The following ANKRD22 variants were observed in gnomAD, a reference collection of about 807,000 sequenced individuals.
ANKRD22 encodes the protein ankyrin repeat domain 22.
ANKRD22 carries 24 observed loss-of-function variants against 25.7 expected under a neutral mutation model. The ratio of observed to expected loss-of-function variants is 0.93; its 90% CI spans 0.68 to 1.31. The LOEUF (loss-of-function observed/expected upper bound fraction) is 1.31, where lower values mean the gene tolerates loss of function less well. Among genes scored for constraint, ANKRD22 ranks in the 50% most tolerant of loss-of-function variants. The probability of loss-of-function intolerance (pLI) is 0.00; values close to 1 mark genes in which losing one functional copy is unlikely to be tolerated. For missense variants in ANKRD22, 214 were observed against 227.1 expected (o/e 0.94, Z 0.37); for synonymous variants, 84 against 84.3 (o/e 1.00, Z 0.02).
chr10:88,826,877 G>C (rs903057078), intron 3 of ANKRD22, among the ~76,000 whole-genome samples: 1 of 152,174 alleles, frequency 6.6e-6, no homozygotes, highest in Admixed American at 6.5e-5. Context: ...AAAAAACTAT[G>C]CCTATTTTGT....
intron 3 of ANKRD22, among the ~76,000 whole-genome samples, chr10:88,826,918 C>T (rs1843861202): frequency 1.3e-5 from 2 of 152,174 alleles, no homozygotes; most frequent in Admixed American, 6.5e-5. Flanking sequence ...GCTAGCACAG[C>T]GTCTGGCACA....
intron 1 of ANKRD22, among the ~76,000 whole-genome samples, chr10:88,846,251 G>A (rs535403386): frequency 6.6e-5 from 10 of 152,052 alleles, no homozygotes; most frequent in African/African-American, 2.4e-4. Flanking sequence ...ATGCACAACT[G>A]TCTTTAGTTA....
At chr10:88,835,576 T>C (rs1164070571) in intron 1 of ANKRD22, among the ~76,000 whole-genome samples, 2 of 152,202 alleles carry the variant, frequency 1.3e-5, no homozygotes, top group Non-Finnish European at 2.9e-5. Flanking sequence ...TTGTAAGTAT[T>C]TGTGCATCTA....
In ANKRD22 at chr10:88,821,115, A is replaced by G. The variant is rs1843788673; in HGVS notation, c.*1826T>C. Among the ~76,000 whole-genome samples, 1 of 152,260 alleles carries G rather than the reference A, an allele frequency of 6.6e-6. No individual in the cohort carries two copies. Among genetic ancestry groups the G allele is most frequent in the Non-Finnish European group, 1.5e-5 (1 of 68,048 alleles). On this transcript the variant is annotated 3_prime_UTR_variant, in exon 6 of 6. Transcript: ENST00000371930. ...TTCTCCAATAAATGCATTCTGCATT[A>G]CATAAAGCATGTATGTGCATTTCAG...
At position 88,822,765 on chromosome 10, in the gene ANKRD22, C is replaced by T. The variant is rs1381688044; in HGVS notation, c.*176G>A. 1.5e-5 allele frequency: 9 copies of T among 614,340 alleles called. 1 individual carries two copies. Among genetic ancestry groups the T allele is most frequent in the East Asian group, 1.4e-4 (5 of 36,168 alleles). 38.1% of individuals were successfully genotyped at this position (614,340 alleles called of 1,614,324 possible). ...AGGATTACGGCCATGGTGAACTTGA[C>T]TGAGTAAACAATGCTATAAATAAAA... On this transcript the variant is annotated 3_prime_UTR_variant, in exon 6 of 6. Coordinates refer to ENST00000371930, the MANE Select transcript of ANKRD22 (RefSeq NM_144590.3).
At chr10:88,846,077 A>G (rs1331783846) in intron 1 of ANKRD22, among the ~76,000 whole-genome samples, 1 of 152,110 alleles carries the variant, frequency 6.6e-6, no homozygotes, top group Non-Finnish European at 1.5e-5. Flanking sequence ...AATTTCTTCA[A>G]TATCAACTTC....
At chr10:88,832,085 CG>C (rs1843909765) in intron 1 of ANKRD22, 59 bp from the exon 2 acceptor site, 6 of 1,479,924 alleles carry the variant, frequency 4.1e-6, no homozygotes, top group Non-Finnish European at 5.4e-6. Context: ...ACCACAAAAA[CG>C]AAAAAAAAGT....
rs1554832256 is a variant in ANKRD22 at position 88,822,544 on chromosome 10, C to CTGCT, written c.*396_*397insAGCA. On this transcript the variant is annotated 3_prime_UTR_variant, in exon 6 of 6. Coordinates refer to ENST00000371930, the MANE Select transcript of ANKRD22 (RefSeq NM_144590.3). ...AAAGACTGAGTTTGGAACACCAGGGCTTTTTTTTTTTTTTTTTTTTTTGAG... is the reference window on the plus strand; with the variant it reads ...AAAGACTGAGTTTGGAACACCAGGGCTGCTTTTTTTTTTTTTTTTTTTTTTTGAG... 4 of 36,438 alleles carry CTGCT rather than the reference C, an allele frequency of 1.1e-4. No individual in the cohort carries two copies. The highest frequency in any genetic ancestry group is 2.4e-4 in the Non-Finnish European group (4 of 17,014). 2.3% of individuals were successfully genotyped at this position (36,438 alleles called of 1,614,324 possible).
chr10:88,839,902 C>T (rs564159374), intron 1 of ANKRD22, among the ~76,000 whole-genome samples: 1 of 152,188 alleles, frequency 6.6e-6, no homozygotes, highest in South Asian at 2.1e-4. Flanking sequence ...CACTATTGAC[C>T]AGTTAAATAA....
At chr10:88,838,917 G>T (rs1288084308) in intron 1 of ANKRD22, among the ~76,000 whole-genome samples, 3 of 152,138 alleles carry the variant, frequency 2.0e-5, no homozygotes, top group Non-Finnish European at 4.4e-5. Context: ...AAGAGAAGGA[G>T]TATTTACCAG....
chr10:88,827,817 G>T (rs1192185377), intron 3 of ANKRD22, among the ~76,000 whole-genome samples: 4 of 152,136 alleles, frequency 2.6e-5, no homozygotes, highest in African/African-American at 9.7e-5. Context: ...GAGGGAGCTT[G>T]GTCATTTAAT....
At chr10:88,823,080 A>G in intron 5 of ANKRD22, 62 bp from the exon 6 acceptor site, 2 of 1,506,064 alleles carry the variant, frequency 1.3e-6, no homozygotes, top group Admixed American at 3.4e-5. Context: ...TACGTAGCTT[A>G]GACCAATTGA....
intron 1 of ANKRD22, among the ~76,000 whole-genome samples, chr10:88,846,564 C>A (rs74147298): frequency 6.6e-6 from 1 of 152,178 alleles, no homozygotes; most frequent in African/African-American, 2.4e-5. Context: ...GCCATTGCTA[C>A]AAAATGTTGT....
chr10:88,841,259 A>G (rs1844001620), intron 1 of ANKRD22, among the ~76,000 whole-genome samples: 1 of 152,130 alleles, frequency 6.6e-6, no homozygotes, highest in African/African-American at 2.4e-5. Flanking sequence ...ATGGCAAATC[A>G]GAAGCCCTGA....
At position 88,820,064 on chromosome 10, in the gene ANKRD22, C is replaced by T. The variant is rs1843768010; in HGVS notation, c.*2877G>A. Among the ~76,000 whole-genome samples the T allele has an allele frequency of 6.6e-6, 1 of 152,072 alleles. No homozygotes were observed. Among genetic ancestry groups the T allele is most frequent in the Non-Finnish European group, 1.5e-5 (1 of 68,014 alleles). ...GTTCAATAATGTTAAGTAATTTTAC[C>T]TTAAAGTAAGGGCGGGAACAGAAAT... On this transcript the variant is annotated 3_prime_UTR_variant, in exon 6 of 6. Transcript: ENST00000371930.
At chr10:88,846,819 CA>C (rs1233523317) in intron 1 of ANKRD22, among the ~76,000 whole-genome samples, 4 of 151,994 alleles carry the variant, frequency 2.6e-5, no homozygotes, top group Non-Finnish European at 5.9e-5. Flanking sequence ...GCAATAATGC[CA>C]AAACAGTGAT....
intron 1 of ANKRD22, among the ~76,000 whole-genome samples, chr10:88,833,666 A>G (rs1843927299): frequency 6.6e-6 from 1 of 152,226 alleles, no homozygotes; most frequent in Admixed American, 6.5e-5. Flanking sequence ...ATCCTAACAG[A>G]AAATTAACTC....
At chr10:88,829,014 A>G (rs1317519569) in intron 2 of ANKRD22, among the ~76,000 whole-genome samples, 1 of 152,246 alleles carries the variant, frequency 6.6e-6, no homozygotes, top group Non-Finnish European at 1.5e-5. Flanking sequence ...ATTGATAGTT[A>G]TCCCTTAATC....
chr10:88,825,243 A>T (rs1240246193), intron 4 of ANKRD22, among the ~76,000 whole-genome samples: 1 of 152,252 alleles, frequency 6.6e-6, no homozygotes, highest in Non-Finnish European at 1.5e-5. Context: ...TACTTTTTCA[A>T]TAAGGAACTG....
Sources: allele counts gnomAD v4.1 joint callset (sites outside exome capture counted in the v4.1 genomes callset), GRCh38; gene constraint gnomAD v4.1.1; transcripts MANE v1.5; gene names NCBI Gene and HGNC (gene_info 2026-07-23, HGNC 2026-07-21).